Variants in FAM13C observed in about 807,000 individuals in gnomAD.
The protein encoded by FAM13C is protein FAM13C.
A neutral mutation model predicts 73.2 loss-of-function variants in FAM13C; 37 were observed. The observed-to-expected ratio is 0.51, with a 90% confidence interval of 0.39 to 0.67. The LOEUF (loss-of-function observed/expected upper bound fraction) is 0.67, where lower values mean the gene tolerates loss of function less well. FAM13C is among the 30% of genes least tolerant of loss of function. The probability of loss-of-function intolerance (pLI) is 0.00; values close to 1 mark genes in which losing one functional copy is unlikely to be tolerated. For synonymous variants in FAM13C, 246 were observed against 260.9 expected, an observed-to-expected ratio of 0.94 and a Z score of 0.55; for missense variants, 589 against 715.6, an observed-to-expected ratio of 0.82 and a Z score of 2.02.
chr10:59,253,342 C>T (rs1055214974), intron 11 of FAM13C, among the ~76,000 whole-genome samples: 2 of 152,208 alleles, frequency 1.3e-5, no homozygotes, highest in Non-Finnish European at 1.5e-5. Flanking sequence ...CTTCTGGGCT[C>T]CAGCTTAATA....
intron 5 of FAM13C, among the ~76,000 whole-genome samples, chr10:59,287,908 C>G (rs1462707510): frequency 6.6e-6 from 1 of 152,152 alleles, no homozygotes; most frequent in Non-Finnish European, 1.5e-5. Flanking sequence ...ATCACTTTAC[C>G]CCCCAGGGTC....
At chr10:59,284,260 C>T (rs571502929) in intron 5 of FAM13C, among the ~76,000 whole-genome samples, 34 of 152,190 alleles carry the variant, frequency 2.2e-4, no homozygotes, top group Non-Finnish European at 4.4e-4. Flanking sequence ...TACAGATTGA[C>T]GCATGCATCC....
chr10:59,354,550 C>A (rs1285928522), intron 2 of FAM13C, among the ~76,000 whole-genome samples: 1 of 152,162 alleles, frequency 6.6e-6, no homozygotes, highest in African/African-American at 2.4e-5. Context: ...GATCCTCATT[C>A]ATAAAATAGA....
rs558522209 is a variant in FAM13C, at chr10:59,329,412, C to G, written c.325-5306G>C. Among the ~76,000 whole-genome samples the G allele has an allele frequency of 1.1e-4, 14 of 128,450 alleles. No individual in the cohort carries two copies. In the South Asian group the frequency reaches 1.6e-3, roughly 14 times the overall value. 84.3% of individuals were successfully genotyped at this position (128,450 alleles called of 152,430 possible). On this transcript the variant is annotated intron_variant, in intron 3 of 13. Transcript: ENST00000618804. ...TCTTGCTCTGTCACTCAGGCTGGAG[C>G]GCAATGATACGATCTCGACTCACTG...
chr10:59,352,230 C>T, intron 3 of FAM13C, 40 bp downstream of exon 3: 1 of 1,608,492 alleles, frequency 6.2e-7, no homozygotes, highest in African/African-American at 1.3e-5. Context: ...GCCTAAGAAT[C>T]ACCCGTCTTG....
intron 3 of FAM13C, among the ~76,000 whole-genome samples, chr10:59,333,028 A>T (rs1401934773): frequency 2.0e-5 from 3 of 146,678 alleles, no homozygotes; most frequent in African/African-American, 7.4e-5. Context: ...GGTAAGAGAC[A>T]AGGTCTTGCT....
At chr10:59,361,040 C>T in intron 1 of FAM13C, 1 of 1,289,138 alleles carries the variant, frequency 7.8e-7, no homozygotes, top group Non-Finnish European at 1.0e-6. Flanking sequence ...GCACCTGGAG[C>T]AGGAAGTCCA....
chr10:59,361,996 G>A (rs1004222230), intron 1 of FAM13C, among the ~76,000 whole-genome samples: 13 of 152,146 alleles, frequency 8.5e-5, no homozygotes, highest in Admixed American at 7.9e-4. Context: ...CCACATGCTG[G>A]AATTCAGCTC....
chr10:59,359,704 A>G (rs1431608782), intron 1 of FAM13C, among the ~76,000 whole-genome samples: 1 of 152,222 alleles, frequency 6.6e-6, no homozygotes, highest in African/African-American at 2.4e-5. Flanking sequence ...ACACTGACCT[A>G]AAGGTTTCCA....
chr10:59,272,927 A>C (rs1328506027), intron 6 of FAM13C, among the ~76,000 whole-genome samples: 2 of 152,212 alleles, frequency 1.3e-5, no homozygotes, highest in Non-Finnish European at 2.9e-5. Context: ...ATAAAGTTTA[A>C]TTCATAAATT....
chr10:59,348,537 T>C (rs1463489612), intron 3 of FAM13C, among the ~76,000 whole-genome samples: 1 of 152,262 alleles, frequency 6.6e-6, no homozygotes, highest in Non-Finnish European at 1.5e-5. Flanking sequence ...TCCACAGTTA[T>C]TTCTCTCATT....
intron 4 of FAM13C, among the ~76,000 whole-genome samples, chr10:59,310,077 C>T (rs1254138296): frequency 6.6e-6 from 1 of 152,094 alleles, no homozygotes; most frequent in East Asian, 1.9e-4. Context: ...AAAACCTGGG[C>T]AGAAAGAGTA....
At chr10:59,253,581 T>G (rs968444051) in intron 11 of FAM13C, 1 of 152,776 alleles carries the variant, frequency 6.5e-6, no homozygotes, top group African/African-American at 2.4e-5. Flanking sequence ...TATAAGAACC[T>G]TACTACATTT....
chr10:59,274,537 G>A (rs768220546), intron 6 of FAM13C, among the ~76,000 whole-genome samples: 4 of 152,110 alleles, frequency 2.6e-5, no homozygotes, highest in Admixed American at 2.0e-4. Context: ...TTAGGGAGCT[G>A]GAGGGGTGGG....
At chr10:59,317,320 C>G (rs530823813) in intron 4 of FAM13C, among the ~76,000 whole-genome samples, 5 of 152,184 alleles carry the variant, frequency 3.3e-5, no homozygotes, top group Non-Finnish European at 2.9e-5. Flanking sequence ...GGTCAAAGTT[C>G]TAAATTAGGT....
At chr10:59,321,432 CTTTTTTTTTTTTTT>C (rs1057110939) in intron 4 of FAM13C, among the ~76,000 whole-genome samples, 12 of 58,096 alleles carry the variant, frequency 2.1e-4, no homozygotes, top group African/African-American at 6.5e-4. Flanking sequence ...CTGCCAACAC[CTTTTTTTTTTTTTT>C]TTTTTTTTTT....
chr10:59,267,433 T>C (rs546983579), intron 8 of FAM13C, among the ~76,000 whole-genome samples: 1 of 152,332 alleles, frequency 6.6e-6, no homozygotes, highest in South Asian at 2.1e-4. Flanking sequence ...AATCCTGGAC[T>C]AATAATGTGT....
intron 3 of FAM13C, among the ~76,000 whole-genome samples, chr10:59,326,000 A>G (rs1278712982): frequency 6.6e-6 from 1 of 152,112 alleles, no homozygotes; most frequent in African/African-American, 2.4e-5. Context: ...AAAAATGCCC[A>G]TTTTATTAAA....
chr10:59,335,667 C>T (rs1185401420), intron 3 of FAM13C, among the ~76,000 whole-genome samples: 1 of 152,150 alleles, frequency 6.6e-6, no homozygotes, highest in African/African-American at 2.4e-5. Flanking sequence ...ACATCACTTC[C>T]CTAAGTTCAA....
Sources: gnomAD v4.1 joint callset for allele counts (sites outside exome capture counted in the v4.1 genomes callset) on GRCh38, gnomAD v4.1.1 for gene constraint, MANE v1.5 for transcripts, NCBI Gene and HGNC (gene_info 2026-07-23, HGNC 2026-07-21) for gene names.